Variants in ERC2 observed in about 807,000 individuals in gnomAD.
ERC2 encodes the protein ELKS/RAB6-interacting/CAST family member 2.
A neutral mutation model predicts 114.8 loss-of-function variants in ERC2; 42 were observed. The observed-to-expected ratio is 0.37, with a 90% confidence interval of 0.29 to 0.47. The LOEUF is 0.47. ERC2 is among the 20% of genes least tolerant of loss of function. The pLI is 0.99. For synonymous variants in ERC2, 454 were observed against 425.5 expected, an observed-to-expected ratio of 1.07 and a Z score of -0.82; for missense variants, 939 against 1,150.7, an observed-to-expected ratio of 0.82 and a Z score of 2.66.
intron 2 of ERC2, among the ~76,000 whole-genome samples, chr3:56,365,857 T>A (rs1014831047): frequency 1.3e-5 from 2 of 152,238 alleles, no homozygotes; most frequent in African/African-American, 4.8e-5. Context: ...TGCTGGGGAA[T>A]AAATTCTGAA....
intron 2 of ERC2, among the ~76,000 whole-genome samples, chr3:56,362,115 C>CTA (rs1404479291): frequency 6.6e-6 from 1 of 152,080 alleles, no homozygotes; most frequent in East Asian, 1.9e-4. Context: ...AGAATGAACA[C>CTA]TATATCTCCT....
intron 2 of ERC2, among the ~76,000 whole-genome samples, chr3:56,359,342 A>C (rs1434578317): frequency 6.6e-6 from 1 of 152,368 alleles, no homozygotes. Flanking sequence ...CAGGAAGAAA[A>C]GCAAAAATGA....
chr3:56,414,104 T>C (rs2061048706), intron 2 of ERC2, among the ~76,000 whole-genome samples: 1 of 152,170 alleles, frequency 6.6e-6, no homozygotes, highest in Non-Finnish European at 1.5e-5. Flanking sequence ...ATCCAAGTCA[T>C]CAGAAAAGCA....
intron 14 of ERC2, among the ~76,000 whole-genome samples, chr3:55,740,794 A>G (rs981051416): frequency 4.6e-5 from 7 of 152,112 alleles, no homozygotes; most frequent in Non-Finnish European, 8.8e-5. Flanking sequence ...CTCTTTCTTA[A>G]GCTAATAGAA....
intron 13 of ERC2, among the ~76,000 whole-genome samples, chr3:55,942,986 C>T (rs1394769975): frequency 1.3e-5 from 2 of 152,154 alleles, no homozygotes; most frequent in Non-Finnish European, 2.9e-5. Flanking sequence ...ATACCAGCAT[C>T]TATTTGAGCT....
chr3:56,121,077 G>T (rs1036431575), intron 6 of ERC2, among the ~76,000 whole-genome samples: 1 of 152,158 alleles, frequency 6.6e-6, no homozygotes, highest in African/African-American at 2.4e-5. Context: ...TTACTGTTTA[G>T]ACCTGTGGCT....
chr3:55,833,098 A>G (rs1328785752), intron 14 of ERC2, among the ~76,000 whole-genome samples: 12 of 149,570 alleles, frequency 8.0e-5, no homozygotes, highest in African/African-American at 2.0e-4. Flanking sequence ...TCCAAGAAAT[A>G]TGGGACTATG....
At chr3:55,820,642 T>C (rs1227789475) in intron 14 of ERC2, among the ~76,000 whole-genome samples, 1 of 152,124 alleles carries the variant, frequency 6.6e-6, no homozygotes, top group African/African-American at 2.4e-5. Flanking sequence ...GGAGATCAGG[T>C]AGCATACCCA....
Position 55,659,789 on chromosome 3 carries a change from A to C in ERC2, c.*39+24005T>G, listed in dbSNP as rs1029347244. On this transcript the variant is annotated intron_variant, in intron 17 of 17. Transcript: ENST00000288221. ...GCTCCCAGATCAGATCTACATCATG[A>C]CATCCCCTGGGGCTGGGCTATTCTC... Among the ~76,000 whole-genome samples the C allele has an allele frequency of 2.0e-5, 3 of 152,120 alleles. No homozygotes were observed. The South Asian group carries it at 6.2e-4, about 32-fold the overall frequency.
At chr3:55,697,031 GCTAC>G (rs2062968281) in intron 16 of ERC2, among the ~76,000 whole-genome samples, 1 of 152,204 alleles carries the variant, frequency 6.6e-6, no homozygotes, top group Non-Finnish European at 1.5e-5. Context: ...TTAAGTTGGA[GCTAC>G]CTTTTATCTG....
At chr3:56,104,065 G>C (rs1373453064) in intron 6 of ERC2, among the ~76,000 whole-genome samples, 1 of 152,154 alleles carries the variant, frequency 6.6e-6, no homozygotes, top group Non-Finnish European at 1.5e-5. Flanking sequence ...TCAATGAACT[G>C]GATCTTCTTT....
At chr3:55,787,344 G>A (rs2069595855) in intron 14 of ERC2, among the ~76,000 whole-genome samples, 1 of 152,118 alleles carries the variant, frequency 6.6e-6, no homozygotes, top group African/African-American at 2.4e-5. Flanking sequence ...TGAGCCCAGG[G>A]AGTTGGAAGA....
intron 17 of ERC2, among the ~76,000 whole-genome samples, chr3:55,652,946 A>C (rs1457641579): frequency 6.6e-6 from 1 of 151,452 alleles, no homozygotes; most frequent in Non-Finnish European, 1.5e-5. Context: ...AGTTGAGCGC[A>C]CTGACTGTGT....
intron 13 of ERC2, among the ~76,000 whole-genome samples, chr3:55,922,003 A>G (rs940886970): frequency 6.6e-6 from 1 of 152,076 alleles, no homozygotes; most frequent in Non-Finnish European, 1.5e-5. Flanking sequence ...GCTTTGCCCT[A>G]CACATTAGCT....
chr3:56,377,631 A>C (rs2059592858), intron 2 of ERC2, among the ~76,000 whole-genome samples: 2 of 152,206 alleles, frequency 1.3e-5, no homozygotes, highest in African/African-American at 4.8e-5. Context: ...TAGGCCCCCC[A>C]AAAAAGATAA....
chr3:55,636,394 C>T (rs954391051), intron 17 of ERC2, among the ~76,000 whole-genome samples: 11 of 152,134 alleles, frequency 7.2e-5, no homozygotes, highest in Non-Finnish European at 1.3e-4. Context: ...TTCCCTCAGC[C>T]TCCATTTCCC....
chr3:56,257,759 T>C (rs1236427267), intron 3 of ERC2, among the ~76,000 whole-genome samples: 4 of 152,216 alleles, frequency 2.6e-5, no homozygotes, highest in Admixed American at 1.3e-4. Context: ...TTATCATCTT[T>C]GTCTACAAAA....
intron 5 of ERC2, among the ~76,000 whole-genome samples, chr3:56,145,505 T>C (rs1258917790): frequency 2.6e-5 from 4 of 152,204 alleles, no homozygotes; most frequent in Non-Finnish European, 4.4e-5. Context: ...GCCTCCAAGA[T>C]TCAGCTCTCA....
At chr3:56,070,786 T>C (rs1297025079) in intron 7 of ERC2, among the ~76,000 whole-genome samples, 4 of 152,222 alleles carry the variant, frequency 2.6e-5, no homozygotes, top group Admixed American at 6.5e-5. Flanking sequence ...ATGTGAAATC[T>C]GTTTCCTAAG....
Sources: gnomAD v4.1 joint callset for allele counts (sites outside exome capture counted in the v4.1 genomes callset) on GRCh38, gnomAD v4.1.1 for gene constraint, MANE v1.5 for transcripts, NCBI Gene and HGNC (gene_info 2026-07-23, HGNC 2026-07-21) for gene names.